Variants in SCAPER observed in about 807,000 individuals in gnomAD.
SCAPER encodes the protein S phase cyclin A-associated protein in the endoplasmic reticulum.
Under a neutral mutation model 182.2 loss-of-function variants are expected in SCAPER, and 98 were observed. That is an observed-to-expected ratio of 0.54 (90% confidence interval 0.46 to 0.64). The LOEUF (loss-of-function observed/expected upper bound fraction) is 0.64, where lower values mean the gene tolerates loss of function less well. Ranked by LOEUF, SCAPER falls within the 30% of genes least tolerant of loss-of-function variation. The probability of loss-of-function intolerance (pLI) is 0.00; values close to 1 mark genes in which losing one functional copy is unlikely to be tolerated. For missense variants in SCAPER, 1,432 were observed against 1,690.0 expected, an observed-to-expected ratio of 0.85 and a Z score of 2.68; for synonymous variants, 605 against 564.6, an observed-to-expected ratio of 1.07 and a Z score of -1.01.
chr15:76,723,840 C>G (rs1276413882), intron 17 of SCAPER, among the ~76,000 whole-genome samples: 1 of 152,166 alleles, frequency 6.6e-6, no homozygotes, highest in Non-Finnish European at 1.5e-5. Context: ...GATGGGGTTC[C>G]TGAATACAGC....
At chr15:76,523,877 T>G (rs889989813) in intron 23 of SCAPER, among the ~76,000 whole-genome samples, 4 of 151,374 alleles carry the variant, frequency 2.6e-5, no homozygotes, top group Admixed American at 2.6e-4. Context: ...AATTGTTGTG[T>G]GTAACTTTGG....
At chr15:76,779,046 G>C (rs2063926398) in intron 8 of SCAPER, among the ~76,000 whole-genome samples, 3 of 151,902 alleles carry the variant, frequency 2.0e-5, no homozygotes, top group African/African-American at 7.3e-5. Context: ...AAACATTATA[G>C]GATATAGGAT....
intron 17 of SCAPER, among the ~76,000 whole-genome samples, chr15:76,714,099 C>CA (rs1431278551): frequency 1.3e-5 from 2 of 151,366 alleles, no homozygotes; most frequent in South Asian, 2.1e-4. Flanking sequence ...GGAGGAATCT[C>CA]AAAAAAATAG....
chr15:76,573,844 A>G (rs1352196426), intron 23 of SCAPER, among the ~76,000 whole-genome samples: 2 of 152,052 alleles, frequency 1.3e-5, no homozygotes, highest in South Asian at 2.1e-4. Context: ...AAAGTTTTCT[A>G]TTTTCTGCCA....
At chr15:76,658,502 T>G (rs1260397824) in intron 21 of SCAPER, among the ~76,000 whole-genome samples, 1 of 152,152 alleles carries the variant, frequency 6.6e-6, no homozygotes, top group African/African-American at 2.4e-5. Context: ...AATTTATAGA[T>G]TCAATTCTAT....
In SCAPER at chr15:76,381,612, T is replaced by C. The variant is rs2042945653; in HGVS notation, c.3471A>G (p.Ser1157=). ...GGCGATTATTGTCAAATATGCTGTA[T>C]GACCTGACAAAGAAACATTCAGTTC... ...CTLCFAVTGR[S]YSIFDNNRQD... The change falls in exon 28 of 32, where the codon TCA becomes TCG. Residue 1157 remains serine, a synonymous_variant. Transcript: ENST00000563290. 1 of 1,580,040 alleles carries C rather than the reference T, an allele frequency of 6.3e-7. No homozygotes were observed. Among genetic ancestry groups the C allele is most frequent in the African/African-American group, 1.3e-5 (1 of 74,216 alleles).
intron 8 of SCAPER, among the ~76,000 whole-genome samples, chr15:76,794,196 A>G (rs912813768): frequency 1.3e-5 from 2 of 152,264 alleles, no homozygotes; most frequent in Non-Finnish European, 2.9e-5. Flanking sequence ...TACCATAAGT[A>G]TAGATATAAT....
At chr15:76,900,894 C>G (rs2074742192) in intron 1 of SCAPER, among the ~76,000 whole-genome samples, 1 of 152,188 alleles carries the variant, frequency 6.6e-6, no homozygotes, top group Non-Finnish European at 1.5e-5. Flanking sequence ...GGTTTGCAAT[C>G]ACAGTTCCTC....
chr15:76,860,243 T>C (rs1440992202), intron 3 of SCAPER, among the ~76,000 whole-genome samples: 1 of 152,114 alleles, frequency 6.6e-6, no homozygotes, highest in East Asian at 1.9e-4. Flanking sequence ...CATATAAAAA[T>C]ATTTATAATA....
At chr15:76,359,605 G>A (rs2041254602) in intron 29 of SCAPER, among the ~76,000 whole-genome samples, 1 of 152,200 alleles carries the variant, frequency 6.6e-6, no homozygotes, top group Non-Finnish European at 1.5e-5. Context: ...GGTGTTGTGG[G>A]CTCCTGATTG....
chr15:76,584,144 T>G (rs1244555800), intron 22 of SCAPER, among the ~76,000 whole-genome samples: 2 of 152,354 alleles, frequency 1.3e-5, no homozygotes, highest in Middle Eastern at 3.4e-3. Context: ...GAGGTCATTA[T>G]GTTAAGTGAA....
intron 29 of SCAPER, among the ~76,000 whole-genome samples, chr15:76,369,881 C>A (rs1395001665): frequency 6.6e-6 from 1 of 152,200 alleles, no homozygotes; most frequent in African/African-American, 2.4e-5. Context: ...GGGAGCACAG[C>A]CTTTAGTGCA....
intron 26 of SCAPER, among the ~76,000 whole-genome samples, chr15:76,425,089 A>T (rs2046329555): frequency 1.3e-5 from 2 of 151,952 alleles, no homozygotes; most frequent in African/African-American, 2.4e-5. Context: ...TCTGACAATT[A>T]TGTGTCTTGG....
intron 21 of SCAPER, among the ~76,000 whole-genome samples, chr15:76,662,182 G>C (rs543448018): frequency 6.6e-6 from 1 of 152,156 alleles, no homozygotes; most frequent in East Asian, 1.9e-4. Flanking sequence ...GGTCTGTCAG[G>C]GGTCGAGAGG....
chr15:76,809,204 A>G (rs1188807477), intron 5 of SCAPER, among the ~76,000 whole-genome samples: 2 of 152,208 alleles, frequency 1.3e-5, no homozygotes, highest in Non-Finnish European at 2.9e-5. Context: ...AATGCACAGA[A>G]ACAAACACTA....
chr15:76,545,311 T>A (rs2045171801), intron 23 of SCAPER, among the ~76,000 whole-genome samples: 1 of 152,102 alleles, frequency 6.6e-6, no homozygotes, highest in Admixed American at 6.6e-5. Context: ...CACAAGAAAA[T>A]ATCTCTGGCT....
At chr15:76,667,688 AAC>A (rs1206760777) in intron 20 of SCAPER, among the ~76,000 whole-genome samples, 1 of 145,648 alleles carries the variant, frequency 6.9e-6, no homozygotes, top group Non-Finnish European at 1.5e-5. Flanking sequence ...ACAGCAGCTC[AAC>A]ACCTGTAATC....
At chr15:76,779,325 A>G (rs1217046777) in intron 8 of SCAPER, among the ~76,000 whole-genome samples, 2 of 152,196 alleles carry the variant, frequency 1.3e-5, no homozygotes, top group Admixed American at 6.5e-5. Context: ...AATAACTGAC[A>G]TCACACAAAG....
At chr15:76,531,282 G>C (rs979100281) in intron 23 of SCAPER, among the ~76,000 whole-genome samples, 2 of 152,108 alleles carry the variant, frequency 1.3e-5, no homozygotes, top group Non-Finnish European at 2.9e-5. Context: ...AACCACTTGG[G>C]AACAGATGCT....
Sources: allele counts gnomAD v4.1 joint callset (sites outside exome capture counted in the v4.1 genomes callset), GRCh38; gene constraint gnomAD v4.1.1; transcripts MANE v1.5; gene names NCBI Gene and HGNC (gene_info 2026-07-23, HGNC 2026-07-21).